AOAH: variants seen among roughly 807,000 people sequenced by gnomAD.
AOAH encodes the protein acyloxyacyl hydrolase.
Under a neutral mutation model 92.2 loss-of-function variants are expected in AOAH, and 64 were observed. That is an observed-to-expected ratio of 0.69 (90% confidence interval 0.57 to 0.86). The LOEUF (loss-of-function observed/expected upper bound fraction) is 0.86. Among genes scored for constraint, AOAH ranks in the 40% least tolerant of loss-of-function variants. The pLI is 0.00. For missense variants in AOAH, 656 were observed against 694.6 expected (o/e 0.94, Z 0.62); for synonymous variants, 263 against 254.5 (o/e 1.03, Z -0.32).
chr7:36,668,901 T>C (rs947434857), intron 3 of AOAH, among the ~76,000 whole-genome samples: 1 of 152,264 alleles, frequency 6.6e-6, no homozygotes, highest in African/African-American at 2.4e-5. Flanking sequence ...ATGTTGAACC[T>C]ATCACATTTT....
rs756383676 is a variant in AOAH, at chr7:36,616,406, A to T, written c.820T>A (p.Trp274Arg). The stretch of plus-strand genomic sequence containing the variant: ...AAAGACATCTGCGACGCTGTGATCC[A>T]TTCAGGAGAGATGTGAAAATGAGCC... ...AGAHFHISPE[W>R]ITASQMSLNS... The change falls in exon 11 of 21, where the codon TGG becomes AGG. Residue 274 changes from tryptophan to arginine, a missense_variant. Coordinates refer to ENST00000617537, the MANE Select transcript of AOAH (RefSeq NM_001637.4). The T allele has an allele frequency of 6.2e-7, 1 of 1,614,148 alleles. No individual in the cohort carries two copies. Among genetic ancestry groups the T allele is most frequent in the African/African-American group, 1.3e-5 (1 of 75,082 alleles).
Position 36,516,322 on chromosome 7 carries a change from CACAG to C in AOAH, c.1600-2946_1600-2943del, listed in dbSNP as rs1179283973. 3.4e-5 allele frequency among the ~76,000 whole-genome samples: 5 copies of C among 145,286 alleles called. No individual in the cohort carries two copies. The highest frequency in any genetic ancestry group is 3.6e-3 in the Middle Eastern group (1 of 280). Reference sequence around the variant, plus strand: ...CCCACACAGATACCACACACACACACACAGAAAGCACACAGATACCACACACACC... The same window carrying C: ...CCCACACAGATACCACACACACACACAAAGCACACAGATACCACACACACC... On this transcript the variant is annotated intron_variant, in intron 20 of 20. Transcript: ENST00000617537. The surrounding 1 kb of genome is among the most constrained non-coding windows in gnomAD (Gnocchi z 5.0).
intron 3 of AOAH, among the ~76,000 whole-genome samples, chr7:36,671,632 T>G (rs554307845): frequency 7.3e-4 from 107 of 145,912 alleles, no homozygotes; most frequent in African/African-American, 2.7e-3. Flanking sequence ...TGTGTGCATC[T>G]GTGTGTGTGC....
intron 1 of AOAH, among the ~76,000 whole-genome samples, chr7:36,689,561 C>T (rs1257205859): frequency 6.6e-6 from 1 of 152,036 alleles, no homozygotes; most frequent in African/African-American, 2.4e-5. Context: ...AGAATATGAT[C>T]TTTGTTCACA....
At chr7:36,686,445 C>T (rs370125740) in intron 2 of AOAH, among the ~76,000 whole-genome samples, 1 of 152,152 alleles carries the variant, frequency 6.6e-6, no homozygotes, top group African/African-American at 2.4e-5. Flanking sequence ...AACAATTGGC[C>T]ATTCAACATT....
intron 3 of AOAH, among the ~76,000 whole-genome samples, chr7:36,669,497 C>G (rs1030647715): frequency 6.6e-6 from 1 of 151,530 alleles, no homozygotes; most frequent in Non-Finnish European, 1.5e-5. Context: ...ATTCTTCTGC[C>G]TCAGCCTCCT....
At chr7:36,546,889 T>C (rs1009237169) in intron 15 of AOAH, among the ~76,000 whole-genome samples, 11 of 152,190 alleles carry the variant, frequency 7.2e-5, no homozygotes, top group Admixed American at 5.2e-4. Context: ...TCCTAGAGCC[T>C]GGCACAGTGC....
At chr7:36,698,963 C>T (rs754892899) in intron 1 of AOAH, among the ~76,000 whole-genome samples, 23 of 152,144 alleles carry the variant, frequency 1.5e-4, no homozygotes, top group Non-Finnish European at 3.1e-4. Context: ...TTCTCCCCTC[C>T]CCCTATTCTT....
intron 16 of AOAH, among the ~76,000 whole-genome samples, chr7:36,538,784 C>T (rs1473258329): frequency 6.6e-6 from 1 of 152,176 alleles, no homozygotes; most frequent in Non-Finnish European, 1.5e-5. Flanking sequence ...TCTAAGGCGG[C>T]GTGGTCAAAG....
chr7:36,553,155 T>TG (rs1786410149), intron 13 of AOAH, among the ~76,000 whole-genome samples: 1 of 131,466 alleles, frequency 7.6e-6, no homozygotes, highest in South Asian at 2.4e-4. Context: ...GAGTGTGATG[T>TG]TTCCCTTCCT....
At chr7:36,524,569 G>C (rs1024258749) in intron 19 of AOAH, among the ~76,000 whole-genome samples, 1 of 151,530 alleles carries the variant, frequency 6.6e-6, no homozygotes, top group Non-Finnish European at 1.5e-5. Flanking sequence ...CCAGCTACTC[G>C]AGAGGCTGAG....
chr7:36,652,879 C>T (rs192246514), intron 4 of AOAH, among the ~76,000 whole-genome samples: 1 of 152,298 alleles, frequency 6.6e-6, no homozygotes, highest in East Asian at 1.9e-4. Context: ...CAATGCGTGT[C>T]CTCGACTAGA....
chr7:36,620,869 T>C, intron 8 of AOAH, 40 bp from the exon 9 acceptor site: 2 of 1,574,410 alleles, frequency 1.3e-6, no homozygotes, highest in South Asian at 2.2e-5. Context: ...GACATATGCT[T>C]GTCTCTCAGT....
intron 13 of AOAH, among the ~76,000 whole-genome samples, chr7:36,555,766 T>A (rs1562564772): frequency 6.6e-6 from 1 of 152,238 alleles, no homozygotes. Context: ...TTCTAGTTTA[T>A]TTGCGTAGAG....
In AOAH at chr7:36,522,086, G is replaced by C. The variant is rs1784133377; in HGVS notation, c.1552C>G (p.Gln518Glu). 1 of 1,614,102 alleles carries C rather than the reference G, an allele frequency of 6.2e-7. No individual in the cohort carries two copies. Reference sequence around the variant, plus strand: ...ACGGGCTCGATGAGCTGCCAGGGCTGTCCGCCTCTCTTCTGCCACTCCTGT... The same window carrying C: ...ACGGGCTCGATGAGCTGCCAGGGCTCTCCGCCTCTCTTCTGCCACTCCTGT... Reference protein sequence around the residue: ...IIQEWQKRGGQPWQLIEPVDG... With the variant: ...IIQEWQKRGGEPWQLIEPVDG... The change falls in exon 20 of 21, where the codon CAG (glutamine) becomes GAG (glutamate). Residue 518 changes from glutamine (Q) to glutamate (E), a missense_variant. Coordinates refer to ENST00000617537, the MANE Select transcript of AOAH (RefSeq NM_001637.4).
At chr7:36,701,354 G>A (rs967612157) in intron 1 of AOAH, among the ~76,000 whole-genome samples, 4 of 151,598 alleles carry the variant, frequency 2.6e-5, no homozygotes, top group African/African-American at 9.7e-5. Flanking sequence ...TAATTCTATC[G>A]ATTAAGAAGA....
intron 4 of AOAH, among the ~76,000 whole-genome samples, chr7:36,655,497 T>C (rs981927025): frequency 6.6e-6 from 1 of 152,194 alleles, no homozygotes; most frequent in Non-Finnish European, 1.5e-5. Context: ...GCCAGTCACT[T>C]GCTGCTCTCT....
intron 20 of AOAH, chr7:36,514,653 C>T: frequency 1.7e-6 from 2 of 1,166,588 alleles, no homozygotes. Context: ...CCAGATGGCT[C>T]CATCTCAACA....
intron 11 of AOAH, chr7:36,599,696 C>T (rs1019478416): frequency 1.1e-4 from 16 of 152,164 alleles, no homozygotes; most frequent in African/African-American, 2.7e-4. Context: ...TTTTTAATAA[C>T]GCTGGAGAGT....
Sources: gnomAD v4.1 joint callset for allele counts (sites outside exome capture counted in the v4.1 genomes callset) on GRCh38, gnomAD v4.1.1 for gene constraint, Gnocchi (gnomAD v3.1) non-coding constraint, MANE v1.5 for transcripts, NCBI Gene and HGNC (gene_info 2026-07-23, HGNC 2026-07-21) for gene names.